ADK: variants seen among roughly 807,000 people sequenced by gnomAD.
ADK encodes the protein N6,N6-dimethyladenosine kinase.
In ADK, 24 loss-of-function variants were observed where a neutral mutation model predicts 44.7. The ratio of observed to expected loss-of-function variants is 0.54; its 90% CI spans 0.39 to 0.76. ADK has a LOEUF of 0.76. ADK is among the 30% of genes least tolerant of loss of function. ADK has a pLI of 0.00. For missense variants in ADK, 321 were observed against 425.1 expected, an observed-to-expected ratio of 0.76 and a Z score of 2.15; for synonymous variants, 128 against 142.6, an observed-to-expected ratio of 0.90 and a Z score of 0.73.
intron 1 of ADK, among the ~76,000 whole-genome samples, chr10:74,158,025 G>C (rs989646780): frequency 6.6e-6 from 1 of 152,126 alleles, no homozygotes; most frequent in Non-Finnish European, 1.5e-5. Context: ...CAGCTTGAAA[G>C]GGCATTATAT....
intron 6 of ADK, chr10:74,509,486 C>CG (rs1848219069): frequency 6.6e-6 from 1 of 152,240 alleles, no homozygotes; most frequent in Non-Finnish European, 1.5e-5. Context: ...CCACCGTGCC[C>CG]GGCCCATAAT....
At chr10:74,217,226 C>G (rs571154831) in intron 2 of ADK, among the ~76,000 whole-genome samples, 293 of 152,362 alleles carry the variant, frequency 1.9e-3, no homozygotes, top group Non-Finnish European at 3.5e-3. Flanking sequence ...TATCCTGCAC[C>G]TGGCTCGGAG....
chr10:74,506,953 A>C (rs1470713824), intron 6 of ADK, among the ~76,000 whole-genome samples: 3 of 152,224 alleles, frequency 2.0e-5, no homozygotes. Context: ...TTCTTGAAAA[A>C]ATTTTTACAC....
chr10:74,423,231 T>C (rs1247727681), intron 6 of ADK, among the ~76,000 whole-genome samples: 1 of 152,122 alleles, frequency 6.6e-6, no homozygotes, highest in Non-Finnish European at 1.5e-5. Flanking sequence ...AGACTTAAAA[T>C]TGAATTAGTA....
chr10:74,299,611 AAT>A (rs1839933388), intron 3 of ADK, among the ~76,000 whole-genome samples: 1 of 117,298 alleles, frequency 8.5e-6, no homozygotes, highest in South Asian at 2.6e-4. Flanking sequence ...ATATATTTTA[AAT>A]ATACATTATA....
chr10:74,436,631 A>G (rs1003865882), intron 6 of ADK, among the ~76,000 whole-genome samples: 3 of 152,222 alleles, frequency 2.0e-5, no homozygotes, highest in Non-Finnish European at 4.4e-5. Flanking sequence ...GATTTTTGAC[A>G]AAGGTATAAA....
intron 10 of ADK, among the ~76,000 whole-genome samples, chr10:74,699,148 CT>C (rs58818883): frequency 0.1 from 12,763 of 123,738 alleles, 1,018 homozygotes; most frequent in African/African-American, 0.22. Flanking sequence ...CCAACCTAGC[CT>C]TTTTTTTTTT....
intron 9 of ADK, among the ~76,000 whole-genome samples, chr10:74,662,073 T>G (rs1248749895): frequency 6.6e-6 from 1 of 152,218 alleles, no homozygotes; most frequent in African/African-American, 2.4e-5. Flanking sequence ...GTCTTTATAT[T>G]GTCAGGGTGT....
chr10:74,577,492 T>G (rs1453719628), intron 7 of ADK, among the ~76,000 whole-genome samples: 1 of 152,138 alleles, frequency 6.6e-6, no homozygotes, highest in East Asian at 1.9e-4. Flanking sequence ...TTTCAACTAT[T>G]GCTACCTCTG....
chr10:74,550,727 A>G (rs542379373), intron 7 of ADK, among the ~76,000 whole-genome samples: 1 of 152,320 alleles, frequency 6.6e-6, no homozygotes, highest in Non-Finnish European at 1.5e-5. Context: ...TTTTCTTGGT[A>G]GTTAAAGAAT....
intron 3 of ADK, among the ~76,000 whole-genome samples, chr10:74,246,118 GA>G (rs1424112471): frequency 1.4e-4 from 21 of 152,060 alleles, no homozygotes; most frequent in Admixed American, 5.9e-4. Context: ...CCTCTTGTGG[GA>G]GGGGGGGGTC....
intron 7 of ADK, chr10:74,551,510 A>G (rs1404045870): frequency 6.6e-6 from 1 of 152,262 alleles, no homozygotes; most frequent in Admixed American, 6.5e-5. Flanking sequence ...ACAATTTTTC[A>G]GGAAAAATAA....
intron 4 of ADK, among the ~76,000 whole-genome samples, chr10:74,367,723 CAA>C (rs1287750982): frequency 6.6e-6 from 1 of 152,146 alleles, no homozygotes; most frequent in Non-Finnish European, 1.5e-5. Context: ...ATACTGTAAA[CAA>C]GTGTCCTTTT....
In ADK at chr10:74,376,402, A is replaced by C. The variant is rs568502119; in HGVS notation, c.274-17739A>C. On this transcript the variant is annotated intron_variant, in intron 4 of 10. Transcript: ENST00000539909. ...TTTATTTCATAGCTTTTTATTATCG[A>C]AAGTTTCAAACATACACAGAGAAAG... is the stretch of plus-strand genomic sequence containing the variant. Among the ~76,000 whole-genome samples, 8 of 152,202 alleles carry C rather than the reference A, an allele frequency of 5.3e-5. No individual in the cohort carries two copies. The South Asian group carries it at 1.7e-3, about 32-fold the overall frequency.
intron 6 of ADK, among the ~76,000 whole-genome samples, chr10:74,403,061 T>C (rs2132886447): frequency 6.6e-6 from 1 of 152,026 alleles, no homozygotes; most frequent in East Asian, 1.9e-4. Context: ...GGCTGCCAAA[T>C]ATTGCAGAAC....
At chr10:74,230,606 C>T (rs1354355258) in intron 3 of ADK, among the ~76,000 whole-genome samples, 1 of 151,990 alleles carries the variant, frequency 6.6e-6, no homozygotes, top group Non-Finnish European at 1.5e-5. Flanking sequence ...TCTCAAACTC[C>T]TGACCTCAAG....
At chr10:74,514,004 G>A (rs1848459078) in intron 6 of ADK, among the ~76,000 whole-genome samples, 1 of 152,160 alleles carries the variant, frequency 6.6e-6, no homozygotes, top group African/African-American at 2.4e-5. Context: ...CAGACTAGTG[G>A]TGATGGATTC....
Position 74,664,149 on chromosome 10 carries a change from G to T in ADK, c.878-6034G>T, listed in dbSNP as rs183358891. ...ATAGCCTAAAAGTCCATCAGTAAAG[G>T]ATTGGTTAAATAAATTATACTATAT... On this transcript the variant is annotated intron_variant, in intron 9 of 10. Coordinates refer to ENST00000539909, the MANE Select transcript of ADK (RefSeq NM_006721.4). 5.0e-3 allele frequency among the ~76,000 whole-genome samples: 764 copies of T among 152,260 alleles called. 8 individuals carry two copies. Among genetic ancestry groups the T allele is most frequent in the African/African-American group, 0.017 (727 of 41,562 alleles).
intron 6 of ADK, among the ~76,000 whole-genome samples, chr10:74,471,075 CTTT>C (rs111981819): frequency 6.2e-5 from 9 of 144,582 alleles, no homozygotes; most frequent in African/African-American, 5.4e-5. Context: ...TATACTTTTT[CTTT>C]TTTTTTTTTT....
Sources: gnomAD v4.1 joint callset for allele counts (sites outside exome capture counted in the v4.1 genomes callset) on GRCh38, gnomAD v4.1.1 for gene constraint, MANE v1.5 for transcripts, NCBI Gene and HGNC (gene_info 2026-07-23, HGNC 2026-07-21) for gene names.